Variants in PLPPR1 observed in about 807,000 individuals in gnomAD.
PLPPR1 encodes the protein phospholipid phosphatase-related protein type 1.
Under a neutral mutation model 33.1 loss-of-function variants are expected in PLPPR1, and 10 were observed. That is an observed-to-expected ratio of 0.30 (90% CI 0.19 to 0.51). The LOEUF (loss-of-function observed/expected upper bound fraction) is 0.51. Among genes scored for constraint, PLPPR1 ranks in the 20% least tolerant of loss-of-function variants. The pLI, the probability that PLPPR1 is intolerant of heterozygous loss-of-function variation, is 0.97. For synonymous variants in PLPPR1, 151 were observed against 151.0 expected (o/e 1.00, Z 0.00); for missense variants, 304 against 408.1 (o/e 0.74, Z 2.20).
At chr9:101,317,274 A>G in intron 6 of PLPPR1, 91 bp from the exon 7 acceptor site, 1 of 1,347,478 alleles carries the variant, frequency 7.4e-7, no homozygotes, top group Non-Finnish European at 1.0e-6. Context: ...TCTGGTGATG[A>G]TATTCAAGGG....
At chr9:101,270,516 G>T (rs1828076679) in intron 3 of PLPPR1, among the ~76,000 whole-genome samples, 1 of 152,172 alleles carries the variant, frequency 6.6e-6, no homozygotes, top group Admixed American at 6.5e-5. Context: ...AACTTCCGTA[G>T]ACACCAGAGA....
intron 1 of PLPPR1, among the ~76,000 whole-genome samples, chr9:101,064,347 A>AGAATGAATGAAT (rs34535403): frequency 1.3e-5 from 2 of 150,306 alleles, no homozygotes; most frequent in African/African-American, 2.4e-5. Flanking sequence ...TAATATTTAT[A>AGAATGAATGAAT]GAATGAATGA....
chr9:101,043,156 A>G (rs1830099717), intron 1 of PLPPR1, among the ~76,000 whole-genome samples: 1 of 151,700 alleles, frequency 6.6e-6, no homozygotes, highest in Admixed American at 6.6e-5. Flanking sequence ...AGAACATACG[A>G]TGTTTGTTTT....
At chr9:101,281,715 T>C (rs1828308087) in intron 3 of PLPPR1, among the ~76,000 whole-genome samples, 1 of 151,934 alleles carries the variant, frequency 6.6e-6, no homozygotes, top group African/African-American at 2.4e-5. Flanking sequence ...AAAGAGAAGA[T>C]TCAAAGATTC....
intron 1 of PLPPR1, among the ~76,000 whole-genome samples, chr9:101,061,007 A>T (rs968161408): frequency 6.6e-6 from 1 of 151,950 alleles, no homozygotes; most frequent in Non-Finnish European, 1.5e-5. Flanking sequence ...CTAGTGTCTC[A>T]GTATGAAGAC....
In PLPPR1 at chr9:101,065,720, G is replaced by C. The variant is rs564159331; in HGVS notation, c.-46+36618G>C. ...ATACGCAGGAAATCCTTAATCAAAT[G>C]TGTAACATAATCCCACTATTATTTT... On this transcript the variant is annotated intron_variant, in intron 1 of 7. Transcript: ENST00000374874. Among the ~76,000 whole-genome samples the C allele has an allele frequency of 2.6e-5, 4 of 152,136 alleles. No homozygotes were observed. In the South Asian group the frequency reaches 8.3e-4, roughly 31 times the overall value.
chr9:101,324,302 C>A lies in PLPPR1; in HGVS notation c.*245C>A, dbSNP rs7036576. ...AACCAACAAAATTTTCTTGTTCAAG[C>A]GTGCATTGAAGAACCACATTTATTC... On this transcript the variant is annotated 3_prime_UTR_variant, in exon 8 of 8. Coordinates refer to ENST00000374874, the MANE Select transcript of PLPPR1 (RefSeq NM_207299.2). 0.011 allele frequency: 4,217 copies of A among 391,260 alleles called. 182 individuals are homozygous for A. The highest frequency in any genetic ancestry group is 0.081 in the African/African-American group (3,834 of 47,552). 24.2% of individuals were successfully genotyped at this position (391,260 alleles called of 1,614,324 possible).
intron 1 of PLPPR1, among the ~76,000 whole-genome samples, chr9:101,143,039 G>A (rs1385433504): frequency 1.3e-5 from 2 of 151,958 alleles, no homozygotes; most frequent in Admixed American, 6.6e-5. Context: ...CTGGTTGGAT[G>A]AGGCACGGAG....
intron 1 of PLPPR1, among the ~76,000 whole-genome samples, chr9:101,061,055 A>C (rs879633508): frequency 6.6e-6 from 1 of 151,918 alleles, no homozygotes; most frequent in East Asian, 1.9e-4. Context: ...CTGTGGAGGA[A>C]GCCCCCAGAA....
At chr9:101,231,808 T>C (rs1444821232) in intron 2 of PLPPR1, among the ~76,000 whole-genome samples, 2 of 152,130 alleles carry the variant, frequency 1.3e-5, no homozygotes, top group African/African-American at 4.8e-5. Context: ...TCGATTTTCC[T>C]TCCTGTTGCT....
At chr9:101,044,113 A>T (rs1433659321) in intron 1 of PLPPR1, among the ~76,000 whole-genome samples, 3 of 152,360 alleles carry the variant, frequency 2.0e-5, no homozygotes, top group Middle Eastern at 3.4e-3. Flanking sequence ...CAATCCATAC[A>T]TCCGTCAAAG....
At chr9:101,302,409 A>T (rs1828770110) in intron 4 of PLPPR1, among the ~76,000 whole-genome samples, 1 of 152,232 alleles carries the variant, frequency 6.6e-6, no homozygotes, top group South Asian at 2.1e-4. Context: ...AAGCATGTTA[A>T]TGAGAAAGCA....
intron 4 of PLPPR1, among the ~76,000 whole-genome samples, chr9:101,301,242 ATAAC>A (rs1396266866): frequency 6.6e-6 from 1 of 152,188 alleles, no homozygotes; most frequent in Admixed American, 6.5e-5. Flanking sequence ...CAAAGGATGA[ATAAC>A]TGAGTCAAAT....
At chr9:101,250,227 A>T (rs796827708) in intron 2 of PLPPR1, among the ~76,000 whole-genome samples, 19 of 152,118 alleles carry the variant, frequency 1.2e-4, no homozygotes, top group African/African-American at 4.3e-4. Flanking sequence ...TAATTCTGTC[A>T]TGCCCTTTGT....
At chr9:101,223,148 CAAAAAAAA>C (rs869205435) in intron 2 of PLPPR1, among the ~76,000 whole-genome samples, 4 of 23,722 alleles carry the variant, frequency 1.7e-4, no homozygotes, top group Non-Finnish European at 3.5e-4. Flanking sequence ...CCCATCTCTA[CAAAAAAAA>C]AAAAAAAAAA....
intron 1 of PLPPR1, among the ~76,000 whole-genome samples, chr9:101,041,384 T>A (rs771959011): frequency 6.6e-6 from 1 of 152,204 alleles, no homozygotes; most frequent in Non-Finnish European, 1.5e-5. Flanking sequence ...CTCATTTGTC[T>A]ACAACAAAAT....
intron 2 of PLPPR1, among the ~76,000 whole-genome samples, chr9:101,203,070 A>G (rs532702794): frequency 6.6e-6 from 1 of 152,352 alleles, no homozygotes; most frequent in South Asian, 2.1e-4. Context: ...TCGATTTTTT[A>G]CAAACCTCTT....
intron 1 of PLPPR1, among the ~76,000 whole-genome samples, chr9:101,123,864 C>T (rs746261943): frequency 6.6e-6 from 1 of 152,060 alleles, no homozygotes; most frequent in Non-Finnish European, 1.5e-5. Context: ...GTCAGGGTAG[C>T]CTTCCACCTT....
intron 1 of PLPPR1, among the ~76,000 whole-genome samples, chr9:101,135,639 G>A (rs922671049): frequency 4.6e-5 from 7 of 152,190 alleles, no homozygotes; most frequent in Admixed American, 1.3e-4. Context: ...CTGTTGGGTT[G>A]TGTTCCTGAA....
Sources: allele counts gnomAD v4.1 joint callset (sites outside exome capture counted in the v4.1 genomes callset), GRCh38; gene constraint gnomAD v4.1.1; transcripts MANE v1.5; gene names NCBI Gene and HGNC (gene_info 2026-07-23, HGNC 2026-07-21).